Variants in NUMA1 observed in about 807,000 individuals in gnomAD.
NUMA1 encodes SP-H antigen.
A neutral mutation model predicts 237.1 loss-of-function variants in NUMA1; 62 were observed. The observed-to-expected ratio is 0.26, with a 90% CI of 0.21 to 0.32. The LOEUF (loss-of-function observed/expected upper bound fraction) is 0.32, where lower values mean the gene tolerates loss of function less well. NUMA1 is among the 10% of genes least tolerant of loss of function. NUMA1 has a pLI of 1.00. For missense variants in NUMA1, 2,533 were observed against 2,666.5 expected (o/e 0.95, Z 1.10); for synonymous variants, 1,028 against 1,066.1 (o/e 0.96, Z 0.70).
At chr11:72,025,341 GAC>G (rs1241546239) in intron 4 of NUMA1, among the ~76,000 whole-genome samples, 3 of 151,884 alleles carry the variant, frequency 2.0e-5, no homozygotes, top group African/African-American at 7.3e-5. Flanking sequence ...CAACCCAAGC[GAC>G]AGAGATTACA....
intron 2 of NUMA1, among the ~76,000 whole-genome samples, chr11:72,054,774 T>C (rs1296569106): frequency 6.6e-6 from 1 of 152,204 alleles, no homozygotes; most frequent in Non-Finnish European, 1.5e-5. Flanking sequence ...AAATAATCAG[T>C]AACTAATGAA....
In NUMA1 at chr11:72,015,686, A is replaced by G. The variant is rs1199871760; in HGVS notation, c.1817T>C (p.Leu606Pro). ...LRERDAALKQ[L>P]EALEKEKAAK... ...AGCCTTCTCCTTCTCCAGTGCCTCCAGCTGCTTGAGAGCCGCATCCCGCTC... is the reference window on the plus strand; with the variant it reads ...AGCCTTCTCCTTCTCCAGTGCCTCCGGCTGCTTGAGAGCCGCATCCCGCTC... The change falls in exon 15 of 27, where the codon CTG (leucine) becomes CCG (proline). Residue 606 changes from leucine (L) to proline (P), a missense_variant. Coordinates refer to ENST00000393695, the MANE Select transcript of NUMA1 (RefSeq NM_006185.4). The surrounding 1 kb of genome is among the most constrained non-coding windows in gnomAD (Gnocchi z 4.0). The G allele has an allele frequency of 6.2e-7, 1 of 1,614,018 alleles. No homozygotes were observed.
chr11:72,065,165 T>C (rs1326975856), intron 2 of NUMA1: 1 of 152,152 alleles, frequency 6.6e-6, no homozygotes, highest in African/African-American at 2.4e-5. Flanking sequence ...ATATGTATCA[T>C]AAGAAAATAA....
At chr11:72,007,473 G>C (rs768552405) in intron 20 of NUMA1, 38 bp from the exon 21 acceptor site, 2 of 1,607,450 alleles carry the variant, frequency 1.2e-6, no homozygotes, top group Admixed American at 1.7e-5. Flanking sequence ...AGTCCTTCAC[G>C]CTAGAAGGCA....
chr11:72,073,651 A>T (rs1018289930), intron 1 of NUMA1, among the ~76,000 whole-genome samples: 16 of 152,244 alleles, frequency 1.1e-4, no homozygotes, highest in Non-Finnish European at 2.4e-4. Context: ...CACTATAAGA[A>T]TACAAAACCA....
intron 10 of NUMA1, 84 bp from the exon 11 acceptor site, chr11:72,018,597 G>C: frequency 4.7e-6 from 6 of 1,271,610 alleles, no homozygotes; most frequent in Non-Finnish European, 6.8e-6. Flanking sequence ...TGTGCACAAG[G>C]GGAAGGGAGG....
At chr11:72,063,774 A>G (rs1943070320) in intron 2 of NUMA1, among the ~76,000 whole-genome samples, 1 of 151,706 alleles carries the variant, frequency 6.6e-6, no homozygotes, top group African/African-American at 2.4e-5. Context: ...AAAATTAGCC[A>G]GGTGTGGTGG....
intron 1 of NUMA1, among the ~76,000 whole-genome samples, chr11:72,078,156 A>C (rs1943803283): frequency 6.6e-6 from 1 of 152,222 alleles, no homozygotes; most frequent in Non-Finnish European, 1.5e-5. Context: ...ATGACAGGGC[A>C]AGCCACCATG....
intron 3 of NUMA1, among the ~76,000 whole-genome samples, chr11:72,032,655 T>A (rs1252767235): frequency 2.6e-5 from 4 of 152,202 alleles, no homozygotes; most frequent in Non-Finnish European, 4.4e-5. Flanking sequence ...GTTGAGGAAG[T>A]AGAGAAGTTC....
At position 72,024,226 on chromosome 11, in the gene NUMA1, C is replaced by T. The variant is rs775365471; in HGVS notation, c.208+48G>A. On this transcript the variant is annotated intron_variant, in intron 5 of 26. Coordinates refer to ENST00000393695, the MANE Select transcript of NUMA1 (RefSeq NM_006185.4). ...AGTTCCTCTGGACTCTCCAATCCCA[C>T]GAGCTGAGGAAGCAGCTTCTTCATA... 19 of 1,562,834 alleles carry T rather than the reference C, an allele frequency of 1.2e-5. No homozygotes were observed. The Admixed American group carries it at 1.7e-4, about 14-fold the overall frequency.
Position 72,003,073 on chromosome 11 carries a change from G to A in NUMA1, c.*454C>T, listed in dbSNP as rs752587433. 3.7e-5 allele frequency: 9 copies of A among 240,520 alleles called. No individual in the cohort carries two copies. Among genetic ancestry groups the A allele is most frequent in the Non-Finnish European group, 6.5e-5 (8 of 122,546 alleles). 14.9% of individuals were successfully genotyped at this position (240,520 alleles called of 1,614,324 possible). ...TGGGAAAGAGCATCCTCTGGCAGGT[G>A]CTCCCACCAGGTCAGACCCAGTCCT... On this transcript the variant is annotated 3_prime_UTR_variant, in exon 27 of 27. Coordinates refer to ENST00000393695, the MANE Select transcript of NUMA1 (RefSeq NM_006185.4).
At chr11:72,076,875 CAA>C (rs1422666925) in intron 1 of NUMA1, 1 of 151,294 alleles carries the variant, frequency 6.6e-6, no homozygotes, top group Non-Finnish European at 1.5e-5. Flanking sequence ...AGACATCTGC[CAA>C]AACTCAACTT....
chr11:72,005,108 A>G (rs1230805312), intron 23 of NUMA1, 125 bp downstream of exon 23: 4 of 1,127,640 alleles, frequency 3.5e-6, no homozygotes, highest in Non-Finnish European at 4.9e-6. Flanking sequence ...GAAACATGAG[A>G]AGGTCACCCT....
intron 1 of NUMA1, among the ~76,000 whole-genome samples, chr11:72,074,643 G>T (rs2136324417): frequency 6.6e-6 from 1 of 152,276 alleles, no homozygotes; most frequent in Admixed American, 6.5e-5. Flanking sequence ...GCAGGCTGAG[G>T]TGGGAGGATA....
intron 10 of NUMA1, 71 bp downstream of exon 10, chr11:72,018,752 C>A (rs1938290329): frequency 6.5e-7 from 1 of 1,540,436 alleles, no homozygotes; most frequent in Non-Finnish European, 8.8e-7. Flanking sequence ...GCAGAGGGGA[C>A]AACATGGGAG....
In NUMA1 at chr11:72,014,426, G is replaced by T; in HGVS notation, c.3077C>A (p.Ala1026Asp). 1 of 1,607,942 alleles carries T rather than the reference G, an allele frequency of 6.2e-7. No individual in the cohort carries two copies. ...CAGCCGCATCTCAAGCTCTGCTCTG[G>T]CCGCCTTCTCCAGGGCAAGGTCAGC... ...AQADLALEKAARAELEMRLQN... is the reference protein window; with the variant it reads ...AQADLALEKADRAELEMRLQN... Residue 1026 changes from alanine to aspartate, a missense_variant, in exon 15 of 27, where the codon GCC (alanine) becomes GAC (aspartate). Around this residue, in one of 3 missense-constraint regions of NUMA1, gnomAD observed 1,414 missense variants for 1,508.1 expected, o/e 0.94. Transcript: ENST00000393695. This position sits in a 1 kb window ranked among gnomAD's most constrained non-coding sequence, Gnocchi z 4.6.
intron 23 of NUMA1, among the ~76,000 whole-genome samples, 172 bp from the exon 24 acceptor site, chr11:72,004,988 C>G (rs1955589753): frequency 6.6e-6 from 1 of 152,152 alleles, no homozygotes. Context: ...TACCTAAGCC[C>G]TGGGCAAATG....
chr11:72,027,383 T>C (rs1939717954), intron 4 of NUMA1, among the ~76,000 whole-genome samples: 1 of 151,088 alleles, frequency 6.6e-6, no homozygotes, highest in Admixed American at 6.6e-5. Flanking sequence ...AATGCTGACT[T>C]ACAGGTGGTA....
chr11:72,048,690 T>A (rs541291978), intron 2 of NUMA1, among the ~76,000 whole-genome samples: 2 of 152,160 alleles, frequency 1.3e-5, no homozygotes, highest in African/African-American at 4.8e-5. Flanking sequence ...AGCTTCTTAA[T>A]CAAAATAATC....
Sources: allele counts gnomAD v4.1 joint callset (sites outside exome capture counted in the v4.1 genomes callset), GRCh38; gene constraint gnomAD v4.1.1; regional missense constraint gnomAD v4.1.1; non-coding constraint Gnocchi (gnomAD v3.1); transcripts MANE v1.5; gene names NCBI Gene and HGNC (gene_info 2026-07-23, HGNC 2026-07-21).